Variants in GNB5 observed in about 807,000 individuals in gnomAD.
The protein encoded by GNB5 is G protein subunit beta 5.
GNB5 carries 37 observed loss-of-function variants against 55.3 expected under a neutral mutation model. The ratio of observed to expected loss-of-function variants is 0.67; its 90% CI spans 0.51 to 0.88. The LOEUF (loss-of-function observed/expected upper bound fraction) is 0.88. Among genes scored for constraint, GNB5 ranks in the 40% least tolerant of loss-of-function variants. The pLI, the probability that GNB5 is intolerant of heterozygous loss-of-function variation, is 0.00. For synonymous variants in GNB5, 219 were observed against 198.5 expected (o/e 1.10, Z -0.87); for missense variants, 476 against 515.3 (o/e 0.92, Z 0.74).
rs2033153287 is a variant in GNB5, at chr15:52,116,949, A to G, written c.*5808T>C. The G allele has an allele frequency of 1.4e-5, 2 of 146,902 alleles. No individual in the cohort carries two copies. The highest frequency in any genetic ancestry group is 4.4e-4 in the South Asian group (2 of 4,520). 9.1% of individuals were successfully genotyped at this position (146,902 alleles called of 1,614,324 possible). ...TTTTTTCTTTGTTTTTTTGAGTCAG[A>G]GTCTCGCTCTGTCGCCCAGGCTGGA... On this transcript the variant is annotated 3_prime_UTR_variant, in exon 13 of 13. Coordinates refer to ENST00000261837, the MANE Select transcript of GNB5 (RefSeq NM_016194.4).
At position 52,139,845 on chromosome 15, in the gene GNB5, C is replaced by T. The variant is rs1238174468; in HGVS notation, c.627+1295G>A. The T allele has an allele frequency of 3.1e-6, 4 of 1,279,030 alleles. No homozygotes were observed. The African/African-American group carries it at 6.1e-5, about 20-fold the overall frequency. The allele number at this position is 1,279,030 out of a possible 1,614,324, so 79.2% of individuals were successfully genotyped here. A position where few individuals can be genotyped will look rare whatever the true frequency, so the allele number is the denominator to read the frequency against. ...TGCCCCCTTTCATCCCCAACCCTGC[C>T]CCGGGGCAACACAGAGCGAGTCTGA... is the stretch of plus-strand genomic sequence containing the variant. On this transcript the variant is annotated intron_variant, in intron 7 of 12. Transcript: ENST00000261837.
At chr15:52,164,359 C>A (rs1455948909) in intron 3 of GNB5, among the ~76,000 whole-genome samples, 8 of 144,846 alleles carry the variant, frequency 5.5e-5, no homozygotes, top group Admixed American at 5.0e-4. Flanking sequence ...TGGCTCAAGC[C>A]TGTAATCCCA....
intron 7 of GNB5, chr15:52,139,848 G>A (rs1204168527): frequency 1.4e-5 from 18 of 1,279,576 alleles, no homozygotes; most frequent in East Asian, 1.1e-4. Context: ...ACCCTGCCCC[G>A]GGGCAACACA....
intron 7 of GNB5, chr15:52,137,585 G>C: frequency 1.8e-6 from 2 of 1,093,712 alleles, no homozygotes; most frequent in South Asian, 2.4e-5. Flanking sequence ...ACAAAGGTCA[G>C]CCATAGAGTA....
chr15:52,155,531 T>C (rs2034189915), intron 3 of GNB5, among the ~76,000 whole-genome samples: 1 of 152,226 alleles, frequency 6.6e-6, no homozygotes, highest in South Asian at 2.1e-4. Flanking sequence ...ACAACACTAA[T>C]CTACAGACTT....
intron 12 of GNB5, chr15:52,123,645 C>A: frequency 6.6e-6 from 1 of 151,668 alleles, no homozygotes; most frequent in Non-Finnish European, 1.5e-5. Context: ...TGGGTTCAAG[C>A]GATTCTCCAG....
chr15:52,152,863 G>A (rs1273784762), intron 4 of GNB5, among the ~76,000 whole-genome samples: 1 of 152,136 alleles, frequency 6.6e-6, no homozygotes, highest in Non-Finnish European at 1.5e-5. Context: ...GGATTCAAGT[G>A]ATCCTCCTGC....
intron 2 of GNB5, among the ~76,000 whole-genome samples, chr15:52,183,275 C>T (rs1489296491): frequency 2.0e-5 from 3 of 148,528 alleles, no homozygotes; most frequent in African/African-American, 7.4e-5. Context: ...GATTCTTGGG[C>T]TTATTCCACC....
intron 3 of GNB5, among the ~76,000 whole-genome samples, chr15:52,174,039 G>A (rs183795997): frequency 1.3e-5 from 2 of 152,174 alleles, no homozygotes; most frequent in Non-Finnish European, 2.9e-5. Context: ...TTATCCAGGT[G>A]GGCCCAACAT....
intron 2 of GNB5, 100 bp downstream of exon 2, chr15:52,184,451 G>A (rs924233863): frequency 4.0e-6 from 4 of 998,800 alleles, no homozygotes; most frequent in African/African-American, 3.2e-5. Context: ...ACTGAAAAGT[G>A]TGTGTTATAT....
chr15:52,125,973 T>G lies in GNB5; in HGVS notation c.984A>C (p.Ala328=). Reference sequence around the variant, plus strand: ...CACTGAGGGAGAAGTCCACGCTGGATGCTCCAAATATGATGCTTTCTTTGG... The same window carrying G: ...CACTGAGGGAGAAGTCCACGCTGGAGGCTCCAAATATGATGCTTTCTTTGG... The part of the protein sequence containing the change: ...IYSKESIIFG[A]SSVDFSLSGR... The change falls in exon 11 of 13, where the codon GCA becomes GCC. Residue 328 remains alanine, a synonymous_variant. Coordinates refer to ENST00000261837, the MANE Select transcript of GNB5 (RefSeq NM_016194.4). 6.4e-7 allele frequency: 1 copy of G among 1,553,506 alleles called. No homozygotes were observed. The highest frequency in any genetic ancestry group is 1.1e-5 in the South Asian group (1 of 87,696).
rs2033686347 is a variant in GNB5 at position 52,135,718 on chromosome 15, C to T, written c.666G>A (p.Trp222Ter). ...GCAGCAGCTGCCCGCTCTCCACGTC[C>T]CACAGGGCACATGTGCCATCGCCGC... ...TASGDGTCAL[W>*]DVESGQLLQS... The change falls in exon 8 of 13, where the codon TGG becomes TGA. Residue 222 changes from tryptophan to a stop codon, truncating the protein, a stop_gained. Coordinates refer to ENST00000261837, the MANE Select transcript of GNB5 (RefSeq NM_016194.4). LOFTEE classifies it high-confidence loss of function. 1.2e-6 allele frequency: 2 copies of T among 1,612,818 alleles called. No homozygotes were observed. The highest frequency in any genetic ancestry group is 3.3e-5 in the Admixed American group (2 of 59,908).
chr15:52,173,952 C>T (rs7167133), intron 3 of GNB5, among the ~76,000 whole-genome samples: 5,310 of 152,224 alleles, frequency 0.035, 325 homozygotes, highest in African/African-American at 0.12. Flanking sequence ...GAACCAGTGG[C>T]GATACTATCT....
At position 52,115,442 on chromosome 15, in the gene GNB5, CG is replaced by C. The variant is rs2033129121; in HGVS notation, c.*7314del. 1.3e-5 allele frequency: 2 copies of C among 152,148 alleles called. No homozygotes were observed. Among genetic ancestry groups the C allele is most frequent in the Non-Finnish European group, 2.9e-5 (2 of 68,034 alleles). 9.4% of individuals were successfully genotyped at this position (152,148 alleles called of 1,614,324 possible). A position where few individuals can be genotyped will look rare whatever the true frequency, so the allele number is the denominator to read the frequency against. ...CTCCCCATCTAAAAATGGGGCATCACGGGGCTGTCACAAGGATTACATGAAT... is the reference window on the plus strand; with the variant it reads ...CTCCCCATCTAAAAATGGGGCATCACGGGCTGTCACAAGGATTACATGAAT... On this transcript the variant is annotated 3_prime_UTR_variant, in exon 13 of 13. Transcript: ENST00000261837.
chr15:52,123,079 C>G (rs16964737), intron 12 of GNB5, among the ~76,000 whole-genome samples: 2 of 152,146 alleles, frequency 1.3e-5, no homozygotes, highest in African/African-American at 4.8e-5. Context: ...GATTGACAAC[C>G]AAAACCATTT....
intron 1 of GNB5, among the ~76,000 whole-genome samples, chr15:52,187,264 A>G (rs916497371): frequency 1.3e-5 from 2 of 152,186 alleles, no homozygotes; most frequent in Non-Finnish European, 2.9e-5. Context: ...GAACACTCCC[A>G]GTAATAGCAT....
intron 3 of GNB5, among the ~76,000 whole-genome samples, chr15:52,172,873 A>G (rs1011108658): frequency 2.0e-5 from 3 of 152,180 alleles, no homozygotes; most frequent in Admixed American, 6.5e-5. Context: ...CATTTACTGC[A>G]TATACAAGCA....
chr15:52,170,070 G>A (rs901712540), intron 3 of GNB5, among the ~76,000 whole-genome samples: 12 of 152,176 alleles, frequency 7.9e-5, no homozygotes, highest in African/African-American at 2.7e-4. Context: ...AACAGATGCT[G>A]GTGAGGTTGC....
intron 3 of GNB5, among the ~76,000 whole-genome samples, chr15:52,177,138 T>C (rs1354080644): frequency 6.8e-6 from 1 of 147,256 alleles, no homozygotes; most frequent in Non-Finnish European, 1.5e-5. Flanking sequence ...TGGTTTAAGC[T>C]ATTCTCCTGC....
Sources: gnomAD v4.1 joint callset for allele counts (sites outside exome capture counted in the v4.1 genomes callset) on GRCh38, gnomAD v4.1.1 for gene constraint, MANE v1.5 for transcripts, NCBI Gene and HGNC (gene_info 2026-07-23, HGNC 2026-07-21) for gene names.